GTF2F1: variants seen among roughly 807,000 people sequenced by gnomAD.
The protein encoded by GTF2F1 is general transcription factor IIF subunit 1, also known as general transcription factor IIF 74 kDa subunit.
Under a neutral mutation model 63.5 loss-of-function variants are expected in GTF2F1, and 39 were observed. That is an observed-to-expected ratio of 0.61 (90% CI 0.48 to 0.80). GTF2F1 has a LOEUF of 0.80. Ranked by LOEUF, GTF2F1 falls within the 30% of genes least tolerant of loss-of-function variation. The pLI is 0.00. For missense variants in GTF2F1, 657 were observed against 718.3 expected (o/e 0.91, Z 0.97); for synonymous variants, 287 against 285.3 (o/e 1.01, Z -0.06).
chr19:6,381,513 G>A lies in GTF2F1; in HGVS notation c.899-35C>T, dbSNP rs1165727575. On this transcript the variant is annotated intron_variant, in intron 8 of 12. Coordinates refer to ENST00000394456, the MANE Select transcript of GTF2F1 (RefSeq NM_002096.3). The surrounding 1 kb of genome is among the most constrained non-coding windows in gnomAD (Gnocchi z 4.1). ...GCAGGGTATGAGCAAGAGCAGGGAA[G>A]CACCGCCCCCATCTCCCCGGCCCGC... 1 of 1,609,530 alleles carries A rather than the reference G, an allele frequency of 6.2e-7. No homozygotes were observed.
Position 6,381,172 on chromosome 19 carries a change from AGCTGTCCGACTCCTCGCT to A in GTF2F1, c.1024_1041del (p.Ser347_Asp352del), listed in dbSNP as rs1170252350. The stretch of plus-strand genomic sequence containing the variant: ...TCGCTGTCAATGTCGCTCTCCTCTG[AGCTGTCCGACTCCTCGCT>A]GCTGTCTGCGGGGCACAGGAAAGGG... On this transcript the variant is annotated inframe_deletion, in exon 10 of 13. Transcript: ENST00000394456. The surrounding 1 kb of genome is among the most constrained non-coding windows in gnomAD (Gnocchi z 4.1). 1 of 1,611,012 alleles carries A rather than the reference AGCTGTCCGACTCCTCGCT, an allele frequency of 6.2e-7. No individual in the cohort carries two copies. The highest frequency in any genetic ancestry group is 2.2e-5 in the East Asian group (1 of 44,802).
In GTF2F1 at chr19:6,380,865, G is replaced by A; in HGVS notation, c.1231+39C>T. On this transcript the variant is annotated intron_variant, in intron 11 of 12. Coordinates refer to ENST00000394456, the MANE Select transcript of GTF2F1 (RefSeq NM_002096.3). This position sits in a 1 kb window ranked among gnomAD's most constrained non-coding sequence, Gnocchi z 5.3. ...CCCCAACAGAGGTCAGGAGGCTGTG[G>A]CTGTGGCTGTGGGGAGCGGGGAGGC... 1.3e-6 allele frequency: 2 copies of A among 1,525,716 alleles called. No homozygotes were observed. The highest frequency in any genetic ancestry group is 2.4e-4 in the Middle Eastern group (1 of 4,230). 94.5% of individuals were successfully genotyped at this position (1,525,716 alleles called of 1,614,324 possible).
At chr19:6,391,584 G>A (rs1266469117) in intron 3 of GTF2F1, among the ~76,000 whole-genome samples, 1 of 150,944 alleles carries the variant, frequency 6.6e-6, no homozygotes, top group African/African-American at 2.4e-5. Flanking sequence ...TCCTATGTAG[G>A]ACTACAGACC....
rs747145254 is a variant in GTF2F1, at chr19:6,383,368, C to T, written c.625G>A (p.Asp209Asn). 9 of 1,614,244 alleles carry T rather than the reference C, an allele frequency of 5.6e-6. No individual in the cohort carries two copies. The East Asian group carries it at 1.6e-4, about 28-fold the overall frequency. The change falls in exon 6 of 13, where the codon GAC (aspartate) becomes AAC (asparagine). Residue 209 changes from aspartate (D) to asparagine (N), a missense_variant. Coordinates refer to ENST00000394456, the MANE Select transcript of GTF2F1 (RefSeq NM_002096.3). The surrounding 1 kb of genome is among the most constrained non-coding windows in gnomAD (Gnocchi z 4.5). ...RRKASELRIH[D>N]LEDDLEMSSD... ...GACATCTCCAGGTCGTCCTCCAGGT[C>T]GTGGATGCGCAGCTCGCTCGCCTTC...
At position 6,383,414 on chromosome 19, in the gene GTF2F1, C is replaced by T. The variant is rs780491631; in HGVS notation, c.579G>A (p.Glu193=). ...KDQDQDEDEE[E]KEKRGRRKAS... is the part of the protein sequence containing the mutation. ...CCTTCCTGCGGCCACGTTTCTCCTTCTCCTCCTCATCCTCGTCCTGGTCCT... is the reference window on the plus strand; with the variant it reads ...CCTTCCTGCGGCCACGTTTCTCCTTTTCCTCCTCATCCTCGTCCTGGTCCT... Residue 193 remains glutamate (E), a synonymous_variant, in exon 6 of 13, where the codon GAG becomes GAA. Transcript: ENST00000394456. The surrounding 1 kb of genome is among the most constrained non-coding windows in gnomAD (Gnocchi z 4.5). 1 of 1,614,094 alleles carries T rather than the reference C, an allele frequency of 6.2e-7. No individual in the cohort carries two copies. The highest frequency in any genetic ancestry group is 8.5e-7 in the Non-Finnish European group (1 of 1,180,028).
In GTF2F1 at chr19:6,380,518, G is replaced by C; in HGVS notation, c.1350-33C>G. The C allele has an allele frequency of 6.2e-7, 1 of 1,612,718 alleles. No individual in the cohort carries two copies. The highest frequency in any genetic ancestry group is 8.5e-7 in the Non-Finnish European group (1 of 1,178,724). Reference sequence around the variant, plus strand: ...TGGGAGGACGGGGAAGGTGGCATCAGTGAGATTGTCCCCAGTAGCCCTTGC... The same window carrying C: ...TGGGAGGACGGGGAAGGTGGCATCACTGAGATTGTCCCCAGTAGCCCTTGC... On this transcript the variant is annotated intron_variant, in intron 12 of 12. Coordinates refer to ENST00000394456, the MANE Select transcript of GTF2F1 (RefSeq NM_002096.3). The surrounding 1 kb of genome is among the most constrained non-coding windows in gnomAD (Gnocchi z 5.3).
intron 5 of GTF2F1, among the ~76,000 whole-genome samples, chr19:6,385,393 CT>C (rs1479056079): frequency 4.0e-5 from 3 of 74,864 alleles, no homozygotes; most frequent in African/African-American, 2.5e-4. Flanking sequence ...GTGAGACTGT[CT>C]CAAAAAAAAA....
intron 3 of GTF2F1, 118 bp from the exon 4 acceptor site, chr19:6,389,755 C>A: frequency 1.2e-6 from 1 of 839,602 alleles, no homozygotes; most frequent in East Asian, 2.5e-5. Context: ...ACCAACTTAC[C>A]ACTTGGCAAC....
Position 6,381,580 on chromosome 19 carries a change from G to A in GTF2F1, c.872C>T (p.Ala291Val), listed in dbSNP as rs774939372. Residue 291 changes from alanine (A) to valine (V), a missense_variant, in exon 8 of 13, where the codon GCG becomes GTG. This residue lies in a region of GTF2F1 where 602 missense variants were observed against 625.6 expected (regional missense o/e 0.96). Transcript: ENST00000394456. This position sits in a 1 kb window ranked among gnomAD's most constrained non-coding sequence, Gnocchi z 4.1. ...SQEEPESKAK[A>V]PQQEEGPKGV... The stretch of plus-strand genomic sequence containing the variant: ...CTTGGGCCCCTCCTCCTGCTGCGGC[G>A]CCTTGGCCTTGCTCTCAGGCTCTTC... 12 of 1,613,524 alleles carry A rather than the reference G, an allele frequency of 7.4e-6. No individual in the cohort carries two copies. Among genetic ancestry groups the A allele is most frequent in the Admixed American group, 3.3e-5 (2 of 60,004 alleles).
At chr19:6,386,248 G>A (rs1453683991) in intron 5 of GTF2F1, among the ~76,000 whole-genome samples, 2 of 151,556 alleles carry the variant, frequency 1.3e-5, no homozygotes, top group Admixed American at 1.3e-4. Flanking sequence ...GCCAGGCGTG[G>A]TGGTGCATGC....
In GTF2F1 at chr19:6,389,712, TC is replaced by T. The variant is rs767921873; in HGVS notation, c.133-76del. 9 of 1,376,718 alleles carry T rather than the reference TC, an allele frequency of 6.5e-6. No homozygotes were observed. In the African/African-American group the frequency reaches 7.1e-5, roughly 11 times the overall value. 85.3% of individuals were successfully genotyped at this position (1,376,718 alleles called of 1,614,324 possible). On this transcript the variant is annotated intron_variant, in intron 3 of 12. Transcript: ENST00000394456. ...CAGTGCCCCCCTCCAGGAACGCCCT[TC>T]CTTGCCCTAGGCCAAGCTCTAGATT...
intron 5 of GTF2F1, among the ~76,000 whole-genome samples, chr19:6,385,548 C>A (rs1049312121): frequency 1.3e-5 from 2 of 152,148 alleles, no homozygotes; most frequent in African/African-American, 2.4e-5. Context: ...CCTGCCCCCC[C>A]AGCAATGATT....
chr19:6,382,004 C>A (rs1490129102), intron 6 of GTF2F1, among the ~76,000 whole-genome samples, 154 bp from the exon 7 acceptor site: 1 of 152,090 alleles, frequency 6.6e-6, no homozygotes, highest in African/African-American at 2.4e-5. Flanking sequence ...GAGCTCAGCT[C>A]TCCTAAACAA....
chr19:6,380,508 G>A lies in GTF2F1; in HGVS notation c.1350-23C>T. On this transcript the variant is annotated intron_variant, in intron 12 of 12. Transcript: ENST00000394456. The surrounding 1 kb of genome is among the most constrained non-coding windows in gnomAD (Gnocchi z 5.3). Reference sequence around the variant, plus strand: ...TCGCTGAGGATGGGAGGACGGGGAAGGTGGCATCAGTGAGATTGTCCCCAG... The same window carrying A: ...TCGCTGAGGATGGGAGGACGGGGAAAGTGGCATCAGTGAGATTGTCCCCAG... 1 of 1,613,194 alleles carries A rather than the reference G, an allele frequency of 6.2e-7. No individual in the cohort carries two copies. Among genetic ancestry groups the A allele is most frequent in the Non-Finnish European group, 8.5e-7 (1 of 1,179,150 alleles).
chr19:6,380,965 G>A lies in GTF2F1; in HGVS notation c.1170C>T (p.Pro390=), dbSNP rs1188321440. The A allele has an allele frequency of 6.3e-7, 1 of 1,599,900 alleles. No homozygotes were observed. The highest frequency in any genetic ancestry group is 1.3e-5 in the African/African-American group (1 of 74,732). ...AGGAGGTGCTGCCACCCTCTGCGCT[G>A]GGCGTGCCTGGGCGGCTGTTGCCCC... ...SSRGNSRPGT[P]SAEGGSTSST... The change falls in exon 11 of 13, where the codon CCC becomes CCT. Residue 390 remains proline (P), a synonymous_variant. Transcript: ENST00000394456. This position sits in a 1 kb window ranked among gnomAD's most constrained non-coding sequence, Gnocchi z 5.3.
At chr19:6,387,835 C>T (rs1261092422) in intron 4 of GTF2F1, among the ~76,000 whole-genome samples, 1 of 150,756 alleles carries the variant, frequency 6.6e-6, no homozygotes, top group Non-Finnish European at 1.5e-5. Context: ...CCCAACCCTG[C>T]AGTCAAACTG....
chr19:6,385,447 ACAT>A (rs2091970648), intron 5 of GTF2F1, among the ~76,000 whole-genome samples: 1 of 151,802 alleles, frequency 6.6e-6, no homozygotes, highest in East Asian at 1.9e-4. Flanking sequence ...CCTTTGGTTA[ACAT>A]CCAGGTTTTA....
rs1446499130 is a variant in GTF2F1, at chr19:6,383,492, C to T, written c.501G>A (p.Arg167=). The T allele has an allele frequency of 6.8e-6, 11 of 1,612,534 alleles. No individual in the cohort carries two copies. The highest frequency in any genetic ancestry group is 1.6e-4 in the Middle Eastern group (1 of 6,078). Residue 167 remains arginine, a synonymous_variant, in exon 6 of 13, where the codon AGG becomes AGA. Coordinates refer to ENST00000394456, the MANE Select transcript of GTF2F1 (RefSeq NM_002096.3). This position sits in a 1 kb window ranked among gnomAD's most constrained non-coding sequence, Gnocchi z 4.5. ...AEEAEEEWER[R]NKVLNHFSIM... ...TGCTGAAGTGGTTCAGCACCTTGTT[C>T]CTCCTGCGGGCCAGGCACAGGGGGG...
rs770988666 is a variant in GTF2F1 at position 6,380,426 on chromosome 19, G to A, written c.1409C>T (p.Thr470Ile). ...CTGGAACTTTTTCAGCAGGTCCTTA[G>A]TGGTCATGGGCTTCCGTGTCAGGTA... ...RRYLTRKPMT[T>I]KDLLKKFQTK... Residue 470 changes from threonine to isoleucine, a missense_variant, in exon 13 of 13, where the codon ACT becomes ATT. Physicochemically the swap from Thr to Ile is moderately conservative, Grantham distance 89. Coordinates refer to ENST00000394456, the MANE Select transcript of GTF2F1 (RefSeq NM_002096.3). This position sits in a 1 kb window ranked among gnomAD's most constrained non-coding sequence, Gnocchi z 5.3. 24 of 1,614,028 alleles carry A rather than the reference G, an allele frequency of 1.5e-5. No homozygotes were observed. Among genetic ancestry groups the A allele is most frequent in the Non-Finnish European group, 1.9e-5 (23 of 1,180,042 alleles).
Sources: allele counts gnomAD v4.1 joint callset (sites outside exome capture counted in the v4.1 genomes callset), GRCh38; gene constraint gnomAD v4.1.1; regional missense constraint gnomAD v4.1.1; non-coding constraint Gnocchi (gnomAD v3.1); transcripts MANE v1.5; gene names NCBI Gene and HGNC (gene_info 2026-07-23, HGNC 2026-07-21).